Variants in FRAS1 observed in about 807,000 individuals in gnomAD.
FRAS1 encodes extracellular matrix organizing protein FRAS1.
In FRAS1, 290 loss-of-function variants were observed where a neutral mutation model predicts 435.2. The ratio of observed to expected loss-of-function variants is 0.67; its 90% CI spans 0.61 to 0.73. The LOEUF (loss-of-function observed/expected upper bound fraction) is 0.73. Among genes scored for constraint, FRAS1 ranks in the 30% least tolerant of loss-of-function variants. The pLI is 0.00. For missense variants in FRAS1, 4,860 were observed against 5,001.5 expected (o/e 0.97, Z 0.85); for synonymous variants, 1,800 against 1,851.0 (o/e 0.97, Z 0.71).
chr4:78,125,774 C>T (rs1049399452), intron 2 of FRAS1, among the ~76,000 whole-genome samples: 1 of 152,186 alleles, frequency 6.6e-6, no homozygotes, highest in African/African-American at 2.4e-5. Flanking sequence ...GGGCACCCGC[C>T]TGTTTGAGAT....
intron 70 of FRAS1, among the ~76,000 whole-genome samples, chr4:78,531,551 G>A (rs544613293): frequency 6.0e-4 from 92 of 152,180 alleles, no homozygotes; most frequent in Non-Finnish European, 1.2e-3. Context: ...TAGCATAAAG[G>A]GCTGTTGTAT....
At position 78,472,167 on chromosome 4, in the gene FRAS1, GT is replaced by G; in HGVS notation, c.7372-10del. 6.2e-7 allele frequency: 1 copy of G among 1,613,582 alleles called. No individual in the cohort carries two copies. The highest frequency in any genetic ancestry group is 1.3e-5 in the African/African-American group (1 of 75,034). ...CCACCTCAGGAATTAAATTAAATGG[GT>G]TTCTATTCTAGGCAACCAACCTGAT... On this transcript the variant is annotated splice_polypyrimidine_tract_variant and intron_variant, in intron 51 of 73. Transcript: ENST00000512123.
intron 20 of FRAS1, among the ~76,000 whole-genome samples, chr4:78,344,509 T>C (rs959115989): frequency 1.0e-4 from 12 of 115,836 alleles, no homozygotes; most frequent in Non-Finnish European, 2.0e-4. Flanking sequence ...GTCTGGAATG[T>C]GATTCCAGAG....
chr4:78,472,329 G>A lies in FRAS1; in HGVS notation c.7521G>A (p.Gln2507=). The A allele has an allele frequency of 6.3e-7, 1 of 1,599,860 alleles. No homozygotes were observed. The highest frequency in any genetic ancestry group is 1.7e-5 in the Admixed American group (1 of 58,522). The change falls in exon 52 of 74, where the codon CAG becomes CAA. Residue 2507 remains glutamine (Q), a splice_region_variant and synonymous_variant. Coordinates refer to ENST00000512123, the MANE Select transcript of FRAS1 (RefSeq NM_025074.7). ...GCAGAGCTGCTGCCACTTTCACCCA[G>A]GGTGGGGACTCTCTGGGAACTTAGA... ...QPGRAAATFT[Q]EDVNLGLIRY...
At chr4:78,469,484 G>GA (rs904798126) in intron 50 of FRAS1, among the ~76,000 whole-genome samples, 4 of 149,320 alleles carry the variant, frequency 2.7e-5, no homozygotes, top group South Asian at 2.1e-4. Flanking sequence ...ATGGGAAAAG[G>GA]AAAAAAAAAG....
intron 2 of FRAS1, among the ~76,000 whole-genome samples, chr4:78,076,113 C>A (rs777715201): frequency 5.3e-5 from 8 of 151,972 alleles, no homozygotes; most frequent in Non-Finnish European, 8.8e-5. Flanking sequence ...TCCTTTTTTT[C>A]ATCCATGTCC....
At chr4:78,308,248 T>C in intron 15 of FRAS1, 39 bp downstream of exon 15, 16 of 1,593,020 alleles carry the variant, frequency 1.0e-5, no homozygotes, top group Non-Finnish European at 1.4e-5. Flanking sequence ...TCCTTTCCTT[T>C]TTCTTTTCCA....
chr4:78,395,891 C>T (rs1055139022), intron 29 of FRAS1, among the ~76,000 whole-genome samples: 2 of 151,958 alleles, frequency 1.3e-5, no homozygotes, highest in African/African-American at 4.8e-5. Flanking sequence ...ATTGCCATTT[C>T]GTTGTTTTCT....
At position 78,488,923 on chromosome 4, in the gene FRAS1, A is replaced by C; in HGVS notation, c.8801A>C (p.Glu2934Ala). The C allele has an allele frequency of 6.2e-7, 1 of 1,613,406 alleles. No homozygotes were observed. Among genetic ancestry groups the C allele is most frequent in the Admixed American group, 1.7e-5 (1 of 59,926 alleles). ...GATTTGCTCCTAGTGAAGGAGAAGG[A>C]GGGTGTCCTGCATGTCCCTATCACT... ...AKDLLLVKEK[E>A]GVLHVPITRS... Residue 2934 changes from glutamate to alanine, a missense_variant, in exon 59 of 74, where the codon GAG becomes GCG. Glu to Ala is a moderately radical substitution (Grantham distance 107). Coordinates refer to ENST00000512123, the MANE Select transcript of FRAS1 (RefSeq NM_025074.7).
intron 9 of FRAS1, among the ~76,000 whole-genome samples, chr4:78,273,119 G>A (rs1041135603): frequency 6.6e-6 from 1 of 152,140 alleles, no homozygotes; most frequent in African/African-American, 2.4e-5. Flanking sequence ...CTGTTTATCT[G>A]TTATTGGTGT....
At chr4:78,372,298 T>A (rs544835250) in intron 23 of FRAS1, among the ~76,000 whole-genome samples, 2 of 152,260 alleles carry the variant, frequency 1.3e-5, no homozygotes, top group Admixed American at 1.3e-4. Flanking sequence ...CTTAGTTGAG[T>A]GTCTGACATC....
In FRAS1 at chr4:78,438,561, C is replaced by T. The variant is rs369761349; in HGVS notation, c.5218-9C>T. 5.5e-5 allele frequency: 88 copies of T among 1,613,458 alleles called. 1 individual carries two copies. The highest frequency in any genetic ancestry group is 1.4e-5 in the Non-Finnish European group (17 of 1,179,706). The stretch of plus-strand genomic sequence containing the variant: ...GCGTTCATGTCCTGCCTCATGTTTG[C>T]CTCATTAGGATGATTCTTCCCCCGA... On this transcript the variant is annotated splice_polypyrimidine_tract_variant and intron_variant, in intron 38 of 73. Coordinates refer to ENST00000512123, the MANE Select transcript of FRAS1 (RefSeq NM_025074.7).
At chr4:78,529,160 G>A (rs1721635417) in intron 70 of FRAS1, among the ~76,000 whole-genome samples, 1 of 152,064 alleles carries the variant, frequency 6.6e-6, no homozygotes, top group Non-Finnish European at 1.5e-5. Context: ...CATCTGAATG[G>A]ATGTTTAAGT....
At chr4:78,330,479 T>G (rs2110254746) in intron 18 of FRAS1, among the ~76,000 whole-genome samples, 1 of 152,334 alleles carries the variant, frequency 6.6e-6, no homozygotes, top group African/African-American at 2.4e-5. Context: ...TGGTGAGCCA[T>G]GCAGAACAGA....
At chr4:78,321,855 AAG>A (rs1491418725) in intron 18 of FRAS1, among the ~76,000 whole-genome samples, 24 of 151,882 alleles carry the variant, frequency 1.6e-4, no homozygotes, top group African/African-American at 5.6e-4. Flanking sequence ...AAAAAAAAAA[AAG>A]GTTAGAATCT....
intron 6 of FRAS1, 45 bp downstream of exon 6, chr4:78,255,420 G>A: frequency 2.0e-6 from 3 of 1,527,322 alleles, no homozygotes; most frequent in Non-Finnish European, 2.6e-6. Context: ...GGCTATTGAA[G>A]AACTTGGAGT....
intron 47 of FRAS1, among the ~76,000 whole-genome samples, chr4:78,460,815 A>G (rs1298471590): frequency 6.6e-6 from 1 of 152,224 alleles, no homozygotes; most frequent in Non-Finnish European, 1.5e-5. Flanking sequence ...TTATAATTTT[A>G]TGGGATCACC....
intron 20 of FRAS1, among the ~76,000 whole-genome samples, chr4:78,354,140 G>A (rs955453882): frequency 1.3e-5 from 2 of 151,646 alleles, no homozygotes; most frequent in Admixed American, 1.3e-4. Flanking sequence ...ATTTGACACT[G>A]CCACTCGCCA....
chr4:78,129,392 A>G (rs906117241), intron 2 of FRAS1, among the ~76,000 whole-genome samples: 2 of 152,204 alleles, frequency 1.3e-5, no homozygotes, highest in Non-Finnish European at 2.9e-5. Flanking sequence ...TTTGGGGTAA[A>G]CAGTTGAGGA....
Sources: allele counts gnomAD v4.1 joint callset (sites outside exome capture counted in the v4.1 genomes callset), GRCh38; gene constraint gnomAD v4.1.1; transcripts MANE v1.5; gene names NCBI Gene and HGNC (gene_info 2026-07-23, HGNC 2026-07-21).